The following KIRREL3 variants were observed in gnomAD, a reference collection of about 807,000 sequenced individuals.
The protein encoded by KIRREL3 is kin of IRRE-like protein 3.
KIRREL3 carries 36 observed loss-of-function variants against 89.7 expected under a neutral mutation model. That is an observed-to-expected ratio of 0.40 (90% CI 0.31 to 0.53). KIRREL3 has a LOEUF of 0.53. KIRREL3 is among the 20% of genes least tolerant of loss of function. KIRREL3 has a pLI of 0.49. For missense variants in KIRREL3, 864 were observed against 1,056.6 expected (o/e 0.82, Z 2.53); for synonymous variants, 445 against 441.4 (o/e 1.01, Z -0.10).
chr11:126,608,255 C>A lies in KIRREL3; in HGVS notation c.56-45343G>T, dbSNP rs149517972. On this transcript the variant is annotated intron_variant, in intron 1 of 16. Coordinates refer to ENST00000525144, the MANE Select transcript of KIRREL3 (RefSeq NM_032531.4). The surrounding 1 kb of genome is among the most constrained non-coding windows in gnomAD (Gnocchi z 4.9). The stretch of plus-strand genomic sequence containing the variant: ...CGGTCTCAGAAGCCCCCGCTGGGAG[C>A]CTCCTATCCACCTGGCAGGCGTTTG... Among the ~76,000 whole-genome samples the A allele has an allele frequency of 4.7e-3, 712 of 151,778 alleles. 3 individuals carry two copies. The highest frequency in any genetic ancestry group is 0.017 in the African/African-American group (690 of 41,070).
intron 1 of KIRREL3, among the ~76,000 whole-genome samples, chr11:126,714,715 C>T (rs143727384): frequency 1.3e-5 from 2 of 152,142 alleles, no homozygotes; most frequent in Admixed American, 6.5e-5. Context: ...CCTTTACTGG[C>T]GTCTTTCCTT....
In KIRREL3 at chr11:126,429,207, T is replaced by C; in HGVS notation, c.1778A>G (p.Glu593Gly). 1 of 1,613,322 alleles carries C rather than the reference T, an allele frequency of 6.2e-7. No homozygotes were observed. The highest frequency in any genetic ancestry group is 8.5e-7 in the Non-Finnish European group (1 of 1,179,272). ...HKEPASGREGEEHSTIKQLMM... is the reference protein window; with the variant it reads ...HKEPASGREGGEHSTIKQLMM... ...CAGCTGCTTGATGGTGGAGTGCTCC[T>C]CACCCTCCCGACCAGAGGCTGGTTC... Residue 593 changes from glutamate (E) to glycine (G), a missense_variant, in exon 15 of 17, where the codon GAG becomes GGG. Coordinates refer to ENST00000525144, the MANE Select transcript of KIRREL3 (RefSeq NM_032531.4). The surrounding 1 kb of genome is among the most constrained non-coding windows in gnomAD (Gnocchi z 5.2).
In KIRREL3 at chr11:126,778,712, T is replaced by G. The variant is rs1347323824; in HGVS notation, c.56-215800A>C. On this transcript the variant is annotated intron_variant, in intron 1 of 16. Transcript: ENST00000525144. This position sits in a 1 kb window ranked among gnomAD's most constrained non-coding sequence, Gnocchi z 4.5. ...AGGTGGTACCAACATACATTCCCGC[T>G]AGTAATGTTCAGAGAGTGCTATGTT... Among the ~76,000 whole-genome samples the G allele has an allele frequency of 6.6e-6, 1 of 152,202 alleles. No individual in the cohort carries two copies. The highest frequency in any genetic ancestry group is 2.4e-5 in the African/African-American group (1 of 41,450).
intron 1 of KIRREL3, among the ~76,000 whole-genome samples, chr11:126,801,621 G>A (rs1951036801): frequency 6.6e-6 from 1 of 152,188 alleles, no homozygotes; most frequent in Admixed American, 6.5e-5. Context: ...CCAGCTGTGG[G>A]ACCTTGGCCA....
intron 1 of KIRREL3, among the ~76,000 whole-genome samples, chr11:126,949,317 CA>C (rs1286604456): frequency 6.6e-6 from 1 of 152,118 alleles, no homozygotes; most frequent in East Asian, 1.9e-4. Flanking sequence ...GGTCTTCTGT[CA>C]GGGGGAGGTA....
intron 1 of KIRREL3, among the ~76,000 whole-genome samples, chr11:126,632,819 C>T (rs1222333784): frequency 9.3e-5 from 8 of 85,636 alleles, no homozygotes; most frequent in South Asian, 3.5e-4. Flanking sequence ...AGACCAGGCG[C>T]GGTAGCTCAT....
Position 126,576,244 on chromosome 11 carries a change from A to G in KIRREL3, c.56-13332T>C, listed in dbSNP as rs1427264511. On this transcript the variant is annotated intron_variant, in intron 1 of 16. Transcript: ENST00000525144. The surrounding 1 kb of genome is among the most constrained non-coding windows in gnomAD (Gnocchi z 5.4). Reference sequence around the variant, plus strand: ...GAGAATGGGACTTCCTCCTACCTTCATTTGTCCTTCCTTTTACAGAACTAT... The same window carrying G: ...GAGAATGGGACTTCCTCCTACCTTCGTTTGTCCTTCCTTTTACAGAACTAT... Among the ~76,000 whole-genome samples, 1 of 152,124 alleles carries G rather than the reference A, an allele frequency of 6.6e-6. No homozygotes were observed. Among genetic ancestry groups the G allele is most frequent in the African/African-American group, 2.4e-5 (1 of 41,414 alleles).
intron 1 of KIRREL3, among the ~76,000 whole-genome samples, chr11:126,868,940 G>A (rs1405009578): frequency 6.6e-6 from 1 of 151,988 alleles, no homozygotes; most frequent in Non-Finnish European, 1.5e-5. Context: ...AGCTCCCTGA[G>A]GTTTCTTTTA....
intron 1 of KIRREL3, among the ~76,000 whole-genome samples, chr11:126,784,103 C>T (rs1229012296): frequency 2.0e-5 from 3 of 152,192 alleles, no homozygotes; most frequent in Non-Finnish European, 2.9e-5. Flanking sequence ...GAGAAGCCGT[C>T]ACAGCCACGT....
At chr11:126,659,634 A>G (rs1945304316) in intron 1 of KIRREL3, among the ~76,000 whole-genome samples, 1 of 152,204 alleles carries the variant, frequency 6.6e-6, no homozygotes, top group Non-Finnish European at 1.5e-5. Context: ...AAAGGCGAAC[A>G]TTCACCTTCA....
chr11:126,540,020 A>G (rs758279805), intron 2 of KIRREL3, among the ~76,000 whole-genome samples: 192 of 152,332 alleles, frequency 1.3e-3, no homozygotes, highest in Non-Finnish European at 2.2e-3. Context: ...TTTGAACCAT[A>G]TCGGGATGGC....
intron 1 of KIRREL3, among the ~76,000 whole-genome samples, chr11:126,707,427 C>T (rs991178554): frequency 6.6e-6 from 1 of 152,066 alleles, no homozygotes; most frequent in Non-Finnish European, 1.5e-5. Context: ...GCTAGTTCCC[C>T]ATAGCTTTCA....
At chr11:126,693,763 C>T (rs937201586) in intron 1 of KIRREL3, among the ~76,000 whole-genome samples, 4 of 152,202 alleles carry the variant, frequency 2.6e-5, no homozygotes, top group Admixed American at 1.3e-4. Context: ...GTGATAAAGT[C>T]GCATCTGGTA....
At chr11:126,894,542 CAAAAAAAAAAAAAA>C (rs10630231) in intron 1 of KIRREL3, among the ~76,000 whole-genome samples, 1 of 17,480 alleles carries the variant, frequency 5.7e-5, no homozygotes, top group Non-Finnish European at 9.3e-5. Context: ...GACCTCATCT[CAAAAAAAAAAAAAA>C]AAAAAAAAAA....
rs970575476 is a variant in KIRREL3, at chr11:126,761,720, G to A, written c.56-198808C>T. On this transcript the variant is annotated intron_variant, in intron 1 of 16. Coordinates refer to ENST00000525144, the MANE Select transcript of KIRREL3 (RefSeq NM_032531.4). This position sits in a 1 kb window ranked among gnomAD's most constrained non-coding sequence, Gnocchi z 4.4. ...CCAGATCTTATGAAGTAGACCAGTG[G>A]GCCCCACTCAGCCCCTGGGGGCTAG... Among the ~76,000 whole-genome samples, 1 of 151,398 alleles carries A rather than the reference G, an allele frequency of 6.6e-6. No individual in the cohort carries two copies. Among genetic ancestry groups the A allele is most frequent in the Admixed American group, 6.6e-5 (1 of 15,194 alleles).
chr11:126,769,214 C>T lies in KIRREL3; in HGVS notation c.56-206302G>A, dbSNP rs143656341. ...CGCTTTCAACACATCTCTAATATGG[C>T]ACACGGTGTAATACATTGCCATTAC... On this transcript the variant is annotated intron_variant, in intron 1 of 16. Transcript: ENST00000525144. This position sits in a 1 kb window ranked among gnomAD's most constrained non-coding sequence, Gnocchi z 4.3. Among the ~76,000 whole-genome samples the T allele has an allele frequency of 5.3e-5, 8 of 152,296 alleles. No individual in the cohort carries two copies. The highest frequency in any genetic ancestry group is 1.9e-4 in the East Asian group (1 of 5,182).
At chr11:126,464,405 C>T (rs1418396145) in intron 5 of KIRREL3, among the ~76,000 whole-genome samples, 3 of 150,788 alleles carry the variant, frequency 2.0e-5, no homozygotes, top group African/African-American at 7.3e-5. Context: ...GTGGCTTGTG[C>T]CTGTAGTCCC....
chr11:126,788,282 CA>C lies in KIRREL3; in HGVS notation c.55+212172del, dbSNP rs1340309065. Among the ~76,000 whole-genome samples, 1 of 152,220 alleles carries C rather than the reference CA, an allele frequency of 6.6e-6. No homozygotes were observed. Among genetic ancestry groups the C allele is most frequent in the African/African-American group, 2.4e-5 (1 of 41,460 alleles). On this transcript the variant is annotated intron_variant, in intron 1 of 16. Transcript: ENST00000525144. The surrounding 1 kb of genome is among the most constrained non-coding windows in gnomAD (Gnocchi z 4.1). ...TGCTCTCCAAGCCCCAATTCTTTTG[CA>C]TACATTTGGGCTTCCACTTCCACTT...
chr11:126,896,167 A>C lies in KIRREL3; in HGVS notation c.55+104288T>G, dbSNP rs148594554. 3.1e-3 allele frequency among the ~76,000 whole-genome samples: 469 copies of C among 152,354 alleles called. 2 individuals carry two copies. The highest frequency in any genetic ancestry group is 0.011 in the African/African-American group (450 of 41,588). On this transcript the variant is annotated intron_variant, in intron 1 of 16. Coordinates refer to ENST00000525144, the MANE Select transcript of KIRREL3 (RefSeq NM_032531.4). This position sits in a 1 kb window ranked among gnomAD's most constrained non-coding sequence, Gnocchi z 4.1. ...AGCAAATAAAAAGCTGGACCTGTTA[A>C]AGGCAAGGCCTTCATTAGTCAGAGA...
Sources: gnomAD v4.1 joint callset for allele counts (sites outside exome capture counted in the v4.1 genomes callset) on GRCh38, gnomAD v4.1.1 for gene constraint, Gnocchi (gnomAD v3.1) non-coding constraint, MANE v1.5 for transcripts, NCBI Gene and HGNC (gene_info 2026-07-23, HGNC 2026-07-21) for gene names.